MAGI1: variants seen among roughly 807,000 people sequenced by gnomAD.
The protein encoded by MAGI1 is membrane-associated guanylate kinase, WW and PDZ domain-containing protein 1.
MAGI1 carries 58 observed loss-of-function variants against 139.9 expected under a neutral mutation model. The observed-to-expected ratio is 0.41, with a 90% CI of 0.34 to 0.52. The LOEUF (loss-of-function observed/expected upper bound fraction) is 0.52. Ranked by LOEUF, MAGI1 falls within the 20% of genes least tolerant of loss-of-function variation. The pLI is 0.12. For synonymous variants in MAGI1, 812 were observed against 737.9 expected, an observed-to-expected ratio of 1.10 and a Z score of -1.63; for missense variants, 1,874 against 1,901.6, an observed-to-expected ratio of 0.99 and a Z score of 0.27.
intron 1 of MAGI1, among the ~76,000 whole-genome samples, chr3:65,766,877 A>G (rs538345953): frequency 6.6e-6 from 1 of 152,258 alleles, no homozygotes; most frequent in South Asian, 2.1e-4. Flanking sequence ...TGACAGAGCG[A>G]GACTCCATCT....
intron 1 of MAGI1, among the ~76,000 whole-genome samples, chr3:66,017,060 T>C (rs2067685690): frequency 6.6e-6 from 1 of 152,226 alleles, no homozygotes; most frequent in Non-Finnish European, 1.5e-5. Flanking sequence ...ATGGTGGTAA[T>C]AACTGCATAA....
At chr3:65,882,308 G>GAC (rs764723497) in intron 1 of MAGI1, among the ~76,000 whole-genome samples, 13 of 152,140 alleles carry the variant, frequency 8.5e-5, no homozygotes, top group Non-Finnish European at 1.8e-4. Flanking sequence ...GGACACAAAA[G>GAC]ACAAAGCTGA....
intron 5 of MAGI1, among the ~76,000 whole-genome samples, chr3:65,461,613 C>G (rs1205208744): frequency 6.6e-6 from 1 of 151,460 alleles, no homozygotes; most frequent in Non-Finnish European, 1.5e-5. Flanking sequence ...CTCAGCCTCC[C>G]GAGTAGCTGG....
chr3:65,936,714 C>T (rs1027475652), intron 1 of MAGI1, among the ~76,000 whole-genome samples: 14 of 151,988 alleles, frequency 9.2e-5, no homozygotes, highest in Non-Finnish European at 1.9e-4. Context: ...TTCAAAGTCT[C>T]GTGCGGGGTG....
At chr3:66,005,363 T>C (rs936033225) in intron 1 of MAGI1, among the ~76,000 whole-genome samples, 1 of 152,174 alleles carries the variant, frequency 6.6e-6, no homozygotes, top group Non-Finnish European at 1.5e-5. Flanking sequence ...AACCTAAAAA[T>C]GATACTACAG....
chr3:65,877,498 CT>C (rs1321895913), intron 1 of MAGI1, among the ~76,000 whole-genome samples: 5 of 152,126 alleles, frequency 3.3e-5, no homozygotes, highest in African/African-American at 9.7e-5. Context: ...CAGAGATGAC[CT>C]CAATTTGAAT....
At chr3:65,796,050 C>CA (rs35663778) in intron 1 of MAGI1, among the ~76,000 whole-genome samples, 15,891 of 102,466 alleles carry the variant, frequency 0.16, 1,179 homozygotes, top group East Asian at 0.31. Context: ...GACTCTGTCT[C>CA]AAAAAAAAAA....
rs1234708362 is a variant in MAGI1 at position 65,570,644 on chromosome 3, T to G, written c.430+51328A>C. Among the ~76,000 whole-genome samples, 4 of 152,126 alleles carry G rather than the reference T, an allele frequency of 2.6e-5. No homozygotes were observed. The East Asian group carries it at 7.7e-4, about 29-fold the overall frequency. On this transcript the variant is annotated intron_variant, in intron 2 of 22. Transcript: ENST00000402939. ...ACAAAATAATTCGGTGGCAGGAAAA[T>G]AAACCAGAATGGTGATACAGATGAA...
chr3:65,651,255 C>T (rs2085562938), intron 1 of MAGI1, among the ~76,000 whole-genome samples: 1 of 152,172 alleles, frequency 6.6e-6, no homozygotes, highest in African/African-American at 2.4e-5. Context: ...TACAAGGAAC[C>T]TGCCTGGTTT....
At chr3:65,760,148 TTCCTCCTCCTCCTCC>T (rs34314563) in intron 1 of MAGI1, among the ~76,000 whole-genome samples, 1 of 150,190 alleles carries the variant, frequency 6.7e-6, no homozygotes, top group Non-Finnish European at 1.5e-5. Context: ...TGTCTTCAAC[TTCCTCCTCCTCCTCC>T]TCCTCCTCCT....
chr3:65,587,036 T>A (rs1026356714), intron 2 of MAGI1, among the ~76,000 whole-genome samples: 5 of 152,330 alleles, frequency 3.3e-5, no homozygotes, highest in South Asian at 2.1e-4. Context: ...CCGAGATCCC[T>A]AACTATTGCT....
intron 8 of MAGI1, 147 bp downstream of exon 8, chr3:65,442,645 C>A: frequency 1.8e-6 from 1 of 542,768 alleles, no homozygotes; most frequent in Non-Finnish European, 3.3e-6. Context: ...TTTTCTCATT[C>A]ATTAATATAT....
At chr3:65,682,615 TG>T (rs1197046593) in intron 1 of MAGI1, among the ~76,000 whole-genome samples, 1 of 152,086 alleles carries the variant, frequency 6.6e-6, no homozygotes, top group East Asian at 1.9e-4. Flanking sequence ...TGCACCTAAA[TG>T]TAAAATGTAA....
At chr3:65,811,704 A>C (rs895359175) in intron 1 of MAGI1, among the ~76,000 whole-genome samples, 8 of 152,028 alleles carry the variant, frequency 5.3e-5, no homozygotes, top group East Asian at 1.9e-4. Flanking sequence ...AAAAAAAAAA[A>C]CAAGAAAAGC....
At chr3:65,735,035 G>A (rs1325004684) in intron 1 of MAGI1, among the ~76,000 whole-genome samples, 3 of 152,110 alleles carry the variant, frequency 2.0e-5, no homozygotes, top group African/African-American at 4.8e-5. Context: ...TGAGTTACTT[G>A]AGAATCTGGC....
Position 65,819,875 on chromosome 3 carries a change from C to CAAAAAAAAAAAAAAAAAAAAAAAAAAAA in MAGI1, c.314-197788_314-197787insTTTTTTTTTTTTTTTTTTTTTTTTTTTT, listed in dbSNP as rs3077818. Among the ~76,000 whole-genome samples the CAAAAAAAAAAAAAAAAAAAAAAAAAAAA allele has an allele frequency of 1.1e-3, 38 of 33,472 alleles. 4 individuals carry two copies. Among genetic ancestry groups the CAAAAAAAAAAAAAAAAAAAAAAAAAAAA allele is most frequent in the Middle Eastern group, 0.019 (1 of 54 alleles). 22.0% of individuals were successfully genotyped at this position (33,472 alleles called of 152,430 possible). On this transcript the variant is annotated intron_variant, in intron 1 of 22. Coordinates refer to ENST00000402939, the MANE Select transcript of MAGI1 (RefSeq NM_001033057.2). ...CTAGCCACAGAGCAAGACTCCATCT[C>CAAAAAAAAAAAAAAAAAAAAAAAAAAAA]AAAAAAAAAAAAAAAAAAAAAAGGA...
intron 2 of MAGI1, among the ~76,000 whole-genome samples, chr3:65,596,396 C>T (rs2082199853): frequency 1.3e-5 from 2 of 152,132 alleles, no homozygotes; most frequent in South Asian, 4.1e-4. Context: ...AAACAAACAA[C>T]ACTATAAACC....
chr3:65,606,228 A>G (rs2082730418), intron 2 of MAGI1, among the ~76,000 whole-genome samples: 1 of 152,228 alleles, frequency 6.6e-6, no homozygotes, highest in African/African-American at 2.4e-5. Flanking sequence ...GCTATGAGTC[A>G]AACACGTATC....
intron 1 of MAGI1, among the ~76,000 whole-genome samples, chr3:65,706,024 A>G (rs573603071): frequency 6.6e-6 from 1 of 152,336 alleles, no homozygotes; most frequent in South Asian, 2.1e-4. Context: ...AACTGACTGT[A>G]TTTGTGAGAA....
Sources: allele counts gnomAD v4.1 joint callset (sites outside exome capture counted in the v4.1 genomes callset), GRCh38; gene constraint gnomAD v4.1.1; transcripts MANE v1.5; gene names NCBI Gene and HGNC (gene_info 2026-07-23, HGNC 2026-07-21).